Variants in BRAP observed in about 807,000 individuals in gnomAD.
The protein encoded by BRAP is BRCA1 associated protein, also known as BRCA1-associated protein.
In BRAP, 42 loss-of-function variants were observed where a neutral mutation model predicts 73.4. The observed-to-expected ratio is 0.57, with a 90% CI of 0.45 to 0.74. The LOEUF (loss-of-function observed/expected upper bound fraction) is 0.74, where lower values mean the gene tolerates loss of function less well. Ranked by LOEUF, BRAP falls within the 30% of genes least tolerant of loss-of-function variation. The probability of loss-of-function intolerance (pLI) is 0.00; values close to 1 mark genes in which losing one functional copy is unlikely to be tolerated. For missense variants in BRAP, 593 were observed against 751.4 expected (o/e 0.79, Z 2.46); for synonymous variants, 255 against 267.4 (o/e 0.95, Z 0.45).
In BRAP at chr12:111,665,698, G is replaced by A. The variant is rs200044236; in HGVS notation, c.837C>T (p.Leu279=). The change falls in exon 6 of 12, where the codon CTC becomes CTT. Residue 279 remains leucine (L), a synonymous_variant. Transcript: ENST00000419234. This position sits in a 1 kb window ranked among gnomAD's most constrained non-coding sequence, Gnocchi z 4.3. ...GGAAGCTGTGGTTACATAACGTTGTGAGGATGCCATTCACAGACTCGTCCA... is the reference window on the plus strand; with the variant it reads ...GGAAGCTGTGGTTACATAACGTTGTAAGGATGCCATTCACAGACTCGTCCA... ...ERMDESVNGI[L]TTLCNHSFHS... 12 of 1,614,226 alleles carry A rather than the reference G, an allele frequency of 7.4e-6. No individual in the cohort carries two copies. The highest frequency in any genetic ancestry group is 1.6e-4 in the Middle Eastern group (1 of 6,062).
chr12:111,671,193 C>T (rs995363447), intron 5 of BRAP, among the ~76,000 whole-genome samples: 2 of 152,020 alleles, frequency 1.3e-5, no homozygotes, highest in Non-Finnish European at 2.9e-5. Context: ...ATTCCAGTGA[C>T]CACATAATAT....
At chr12:111,656,025 C>T (rs1886516798) in intron 9 of BRAP, among the ~76,000 whole-genome samples, 1 of 152,298 alleles carries the variant, frequency 6.6e-6, no homozygotes, top group South Asian at 2.1e-4. Flanking sequence ...GCACTTGAGT[C>T]AGGCACCCCC....
intron 11 of BRAP, among the ~76,000 whole-genome samples, chr12:111,645,442 G>A (rs1431685666): frequency 6.6e-6 from 1 of 152,064 alleles, no homozygotes; most frequent in East Asian, 1.9e-4. Flanking sequence ...TGTGACTGAC[G>A]GTAAAAATTC....
intron 4 of BRAP, among the ~76,000 whole-genome samples, chr12:111,673,833 G>T (rs555357748): frequency 6.6e-6 from 1 of 152,324 alleles, no homozygotes. Context: ...AGGCAAAGCT[G>T]CAAAGGCACA....
At chr12:111,668,900 C>G (rs1222667224) in intron 5 of BRAP, among the ~76,000 whole-genome samples, 1 of 152,090 alleles carries the variant, frequency 6.6e-6, no homozygotes, top group Non-Finnish European at 1.5e-5. Context: ...TCGTGATCCA[C>G]CCTCAACCTC....
chr12:111,647,315 A>T (rs1886143864), intron 11 of BRAP, among the ~76,000 whole-genome samples: 1 of 152,226 alleles, frequency 6.6e-6, no homozygotes, highest in Non-Finnish European at 1.5e-5. Context: ...CATCCATACA[A>T]TTAAACAGCA....
intron 10 of BRAP, among the ~76,000 whole-genome samples, chr12:111,653,509 T>C (rs1005084558): frequency 3.3e-5 from 5 of 152,120 alleles, no homozygotes; most frequent in African/African-American, 7.2e-5. Flanking sequence ...CTAAGAACCT[T>C]TGAATGTCTG....
At chr12:111,648,868 G>A (rs541293251) in intron 11 of BRAP, among the ~76,000 whole-genome samples, 3 of 151,416 alleles carry the variant, frequency 2.0e-5, no homozygotes, top group Admixed American at 2.0e-4. Context: ...GGAGCTTGCA[G>A]TGAGCCGAGA....
At chr12:111,668,231 C>A (rs1887032904) in intron 5 of BRAP, among the ~76,000 whole-genome samples, 2 of 152,028 alleles carry the variant, frequency 1.3e-5, no homozygotes, top group Admixed American at 1.3e-4. Flanking sequence ...GTGGGGGAAG[C>A]CAGTAGTTAA....
At chr12:111,681,984 G>T in intron 2 of BRAP, 149 bp from the exon 3 acceptor site, 1 of 754,466 alleles carries the variant, frequency 1.3e-6, no homozygotes, top group Non-Finnish European at 2.0e-6. Flanking sequence ...TAGAATAGCT[G>T]AGTTTATGAG....
Position 111,644,139 on chromosome 12 carries a change from C to A in BRAP, c.*60G>T. ...CCCACCCTCACATTTAGCTGAAGGT[C>A]CCAGCACACTCTCACAGTGTCAGGG... On this transcript the variant is annotated 3_prime_UTR_variant, in exon 12 of 12. Transcript: ENST00000419234. 1 of 1,555,952 alleles carries A rather than the reference C, an allele frequency of 6.4e-7. No homozygotes were observed. The highest frequency in any genetic ancestry group is 1.2e-5 in the South Asian group (1 of 83,542).
At position 111,655,590 on chromosome 12, in the gene BRAP, C is replaced by G; in HGVS notation, c.1287G>C (p.Arg429=). The G allele has an allele frequency of 6.2e-7, 1 of 1,613,728 alleles. No homozygotes were observed. Among genetic ancestry groups the G allele is most frequent in the South Asian group, 1.1e-5 (1 of 91,080 alleles). ...CTTCCTCTGCTGTGTCCTTCTCTAT[C>G]CGAACTATCTTGTTTTCCCAGTAGA... ...QRIYWENKIV[R]IEKDTAEEIN... Residue 429 remains arginine, a synonymous_variant, in exon 10 of 12, where the codon CGG becomes CGC. Coordinates refer to ENST00000419234, the MANE Select transcript of BRAP (RefSeq NM_006768.5).
chr12:111,665,879 G>A lies in BRAP; in HGVS notation c.748-92C>T. The stretch of plus-strand genomic sequence containing the variant: ...TTTCTGAGACAGGGTCTCGCTCTCT[G>A]TCACCCACGCTGGAGCCCAGTGGCG... On this transcript the variant is annotated intron_variant, in intron 5 of 11. Coordinates refer to ENST00000419234, the MANE Select transcript of BRAP (RefSeq NM_006768.5). This position sits in a 1 kb window ranked among gnomAD's most constrained non-coding sequence, Gnocchi z 4.3. 6.6e-7 allele frequency: 1 copy of A among 1,524,832 alleles called. No individual in the cohort carries two copies. The highest frequency in any genetic ancestry group is 1.2e-5 in the South Asian group (1 of 83,320). 94.5% of individuals were successfully genotyped at this position (1,524,832 alleles called of 1,614,324 possible). A position where few individuals can be genotyped will look rare whatever the true frequency, so the allele number is the denominator to read the frequency against.
At chr12:111,684,797 T>G (rs1887742117) in intron 1 of BRAP, among the ~76,000 whole-genome samples, 1 of 152,110 alleles carries the variant, frequency 6.6e-6, no homozygotes, top group Non-Finnish European at 1.5e-5. Flanking sequence ...GCCTCCCCAG[T>G]AGCTGGGATT....
intron 4 of BRAP, among the ~76,000 whole-genome samples, chr12:111,673,617 A>AAATAAT (rs773136238): frequency 6.6e-6 from 1 of 151,674 alleles, no homozygotes; most frequent in African/African-American, 2.4e-5. Context: ...TTAATAAACC[A>AAATAAT]AATAATAATA....
intron 5 of BRAP, chr12:111,670,220 T>C (rs7955941): frequency 6.6e-6 from 4 of 604,924 alleles, no homozygotes; most frequent in Non-Finnish European, 1.3e-5. Context: ...TTCTTCTTCA[T>C]CTGACCGTTT....
intron 6 of BRAP, among the ~76,000 whole-genome samples, chr12:111,663,124 AT>A (rs1383834573): frequency 1.3e-5 from 2 of 152,160 alleles, no homozygotes; most frequent in Non-Finnish European, 2.9e-5. Context: ...TTAGCATTCT[AT>A]GATATACTAC....
chr12:111,655,988 C>T (rs752853150), intron 9 of BRAP, among the ~76,000 whole-genome samples: 2 of 152,150 alleles, frequency 1.3e-5, no homozygotes, highest in Non-Finnish European at 2.9e-5. Flanking sequence ...CCCCATGAAG[C>T]AGTCCTGTCC....
At position 111,644,089 on chromosome 12, in the gene BRAP, T is replaced by C. The variant is rs780375634; in HGVS notation, c.*110A>G. On this transcript the variant is annotated 3_prime_UTR_variant, in exon 12 of 12. Transcript: ENST00000419234. ...ATGAAAGAGCCAAACAACTGTGGCT[T>C]GATCCTCACTTGTACTTATTAGGGC... 3.5e-6 allele frequency: 5 copies of C among 1,436,284 alleles called. No homozygotes were observed. Among genetic ancestry groups the C allele is most frequent in the Non-Finnish European group, 4.6e-6 (5 of 1,080,900 alleles). The allele number at this position is 1,436,284 out of a possible 1,614,324, so 89.0% of individuals were successfully genotyped here.
Sources: allele counts gnomAD v4.1 joint callset (sites outside exome capture counted in the v4.1 genomes callset), GRCh38; gene constraint gnomAD v4.1.1; non-coding constraint Gnocchi (gnomAD v3.1); transcripts MANE v1.5; gene names NCBI Gene and HGNC (gene_info 2026-07-23, HGNC 2026-07-21).